The following ZC3H3 variants were observed in gnomAD, a reference collection of about 807,000 sequenced individuals.
The protein encoded by ZC3H3 is zinc finger CCCH domain-containing protein 3.
In ZC3H3, 36 loss-of-function variants were observed where a neutral mutation model predicts 77.3. That is an observed-to-expected ratio of 0.47 (90% confidence interval 0.36 to 0.61). The LOEUF (loss-of-function observed/expected upper bound fraction) is 0.61. Among genes scored for constraint, ZC3H3 ranks in the 20% least tolerant of loss-of-function variants. The pLI, the probability that ZC3H3 is intolerant of heterozygous loss-of-function variation, is 0.00. For missense variants in ZC3H3, 1,331 were observed against 1,312.2 expected, an observed-to-expected ratio of 1.01 and a Z score of -0.22; for synonymous variants, 626 against 555.2, an observed-to-expected ratio of 1.13 and a Z score of -1.79.
chr8:143,496,032 A>AG (rs1228862260), intron 4 of ZC3H3, among the ~76,000 whole-genome samples: 1 of 152,192 alleles, frequency 6.6e-6, no homozygotes, highest in Non-Finnish European at 1.5e-5. Flanking sequence ...GTATCTGTTA[A>AG]TACTACTGGA....
Position 143,541,427 on chromosome 8 carries a change from G to T in ZC3H3, c.-6C>A. 6.2e-7 allele frequency: 1 copy of T among 1,611,676 alleles called. No individual in the cohort carries two copies. The highest frequency in any genetic ancestry group is 2.2e-5 in the East Asian group (1 of 44,722). ...AATATCTCCTTTTCCTCCATCTCCC[G>T]AGTCCGCGACGGCCGGCCAGGCCCC... On this transcript the variant is annotated 5_prime_UTR_variant, in exon 1 of 12. Transcript: ENST00000262577.
chr8:143,502,137 G>A (rs1324472393), intron 4 of ZC3H3, among the ~76,000 whole-genome samples: 3 of 152,276 alleles, frequency 2.0e-5, no homozygotes, highest in African/African-American at 4.8e-5. Context: ...GCCCTTGCCA[G>A]ACACCAAGTC....
In ZC3H3 at chr8:143,440,107, A is replaced by C. The variant is rs368567292; in HGVS notation, c.2749T>G (p.Ser917Ala). 1.9e-6 allele frequency: 3 copies of C among 1,608,374 alleles called. No individual in the cohort carries two copies. The highest frequency in any genetic ancestry group is 2.5e-6 in the Non-Finnish European group (3 of 1,178,560). The change falls in exon 11 of 12, where the codon TCC (serine) becomes GCC (alanine). Residue 917 changes from serine to alanine, a missense_variant. Around this residue, in one of 3 missense-constraint regions of ZC3H3, gnomAD observed 249 missense variants for 236.9 expected, o/e 1.05. Coordinates refer to ENST00000262577, the MANE Select transcript of ZC3H3 (RefSeq NM_015117.3). ...GGCTGGGCTCCTGGGCTCGGCGAGG[A>C]CTGCAGGGAGATGAAGGAAGGCAGC... ...CKLPSFISLQSSPSPGAQPRV... is the reference protein window; with the variant it reads ...CKLPSFISLQASPSPGAQPRV...
intron 10 of ZC3H3, 101 bp from the exon 11 acceptor site, chr8:143,440,464 T>A: frequency 6.9e-7 from 1 of 1,446,296 alleles, no homozygotes; most frequent in South Asian, 1.5e-5. Flanking sequence ...CCCGTGGCCC[T>A]CCGTGGTCTC....
intron 5 of ZC3H3, among the ~76,000 whole-genome samples, chr8:143,473,385 G>A (rs374582264): frequency 2.7e-4 from 41 of 152,268 alleles, no homozygotes; most frequent in East Asian, 5.8e-4. Context: ...ACGAGTCTGC[G>A]TATTTACACC....
At chr8:143,484,828 C>G in intron 4 of ZC3H3, 1 of 448,032 alleles carries the variant, frequency 2.2e-6, no homozygotes. Context: ...GCAGACATCC[C>G]CCCACTCCCA....
intron 3 of ZC3H3, among the ~76,000 whole-genome samples, chr8:143,515,976 G>A (rs757212193): frequency 1.6e-4 from 25 of 152,350 alleles, no homozygotes; most frequent in South Asian, 4.1e-4. Flanking sequence ...CAGCCCTGCC[G>A]CTTCCAGCCC....
intron 3 of ZC3H3, among the ~76,000 whole-genome samples, chr8:143,529,589 G>A (rs565826638): frequency 4.6e-5 from 7 of 152,306 alleles, no homozygotes; most frequent in Non-Finnish European, 7.4e-5. Flanking sequence ...AGGAAATGTC[G>A]CACCACAGTC....
At chr8:143,537,904 C>G in intron 2 of ZC3H3, 99 bp downstream of exon 2, 2 of 1,230,786 alleles carry the variant, frequency 1.6e-6, no homozygotes, top group Non-Finnish European at 2.3e-6. Flanking sequence ...GTGAACGCAA[C>G]TGCAGGCAAA....
chr8:143,461,553 C>A (rs199932850), intron 9 of ZC3H3, among the ~76,000 whole-genome samples: 1 of 152,080 alleles, frequency 6.6e-6, no homozygotes, highest in East Asian at 1.9e-4. Flanking sequence ...AAGGCTGGAG[C>A]GCGGACATTC....
At chr8:143,482,902 C>T (rs531533655) in intron 4 of ZC3H3, among the ~76,000 whole-genome samples, 1 of 152,328 alleles carries the variant, frequency 6.6e-6, no homozygotes, top group Non-Finnish European at 1.5e-5. Flanking sequence ...ACCACAGGAG[C>T]AGGTACCGGG....
chr8:143,451,894 G>A (rs1031058714), intron 9 of ZC3H3, among the ~76,000 whole-genome samples: 1 of 152,148 alleles, frequency 6.6e-6, no homozygotes, highest in Non-Finnish European at 1.5e-5. Flanking sequence ...TTCCCGCTAA[G>A]TGCCACCGTA....
intron 3 of ZC3H3, among the ~76,000 whole-genome samples, chr8:143,535,896 G>A (rs763355128): frequency 3.3e-5 from 5 of 152,282 alleles, no homozygotes; most frequent in Non-Finnish European, 7.3e-5. Context: ...GGGCCCTGGA[G>A]GAGGCAGAGG....
intron 9 of ZC3H3, among the ~76,000 whole-genome samples, chr8:143,452,529 C>T (rs1352224198): frequency 1.3e-5 from 2 of 152,112 alleles, no homozygotes; most frequent in Admixed American, 1.3e-4. Context: ...ACAGACAGGG[C>T]GTCAGAATTA....
chr8:143,441,607 T>A lies in ZC3H3; in HGVS notation c.2308-487A>T, dbSNP rs558843834. Among the ~76,000 whole-genome samples, 11 of 152,228 alleles carry A rather than the reference T, an allele frequency of 7.2e-5. No individual in the cohort carries two copies. In the South Asian group the frequency reaches 2.3e-3, roughly 32 times the overall value. On this transcript the variant is annotated intron_variant, in intron 9 of 11. Transcript: ENST00000262577. Reference sequence around the variant, plus strand: ...GGGCTGGGCTGGGCTGGGCACGCGATCCCTAGCACCTGTCACAGTGCTAAT... The same window carrying A: ...GGGCTGGGCTGGGCTGGGCACGCGAACCCTAGCACCTGTCACAGTGCTAAT...
intron 3 of ZC3H3, among the ~76,000 whole-genome samples, chr8:143,522,698 C>G (rs1027437461): frequency 3.9e-5 from 6 of 152,122 alleles, no homozygotes; most frequent in Non-Finnish European, 8.8e-5. Context: ...TTAAGCAGAT[C>G]GCCTGAGCCC....
At chr8:143,481,532 C>T (rs569071087) in intron 4 of ZC3H3, among the ~76,000 whole-genome samples, 3 of 152,276 alleles carry the variant, frequency 2.0e-5, no homozygotes, top group East Asian at 3.9e-4. Context: ...CCTCCAGACC[C>T]GCCAGGGGCT....
At chr8:143,453,151 C>G (rs1168396235) in intron 9 of ZC3H3, among the ~76,000 whole-genome samples, 1 of 152,198 alleles carries the variant, frequency 6.6e-6, no homozygotes, top group African/African-American at 2.4e-5. Context: ...AATCATAGAT[C>G]ACTGCAGCCT....
intron 4 of ZC3H3, among the ~76,000 whole-genome samples, chr8:143,497,072 A>G (rs366767): frequency 0.036 from 5,541 of 152,336 alleles, 311 homozygotes; most frequent in African/African-American, 0.13. Context: ...CAAATGCGAT[A>G]AAATATCATA....
Sources: gnomAD v4.1 joint callset for allele counts (sites outside exome capture counted in the v4.1 genomes callset) on GRCh38, gnomAD v4.1.1 for gene constraint, gnomAD v4.1.1 regional missense constraint, MANE v1.5 for transcripts, NCBI Gene and HGNC (gene_info 2026-07-23, HGNC 2026-07-21) for gene names.